GSE1: variants seen among roughly 807,000 people sequenced by gnomAD.
The protein encoded by GSE1 is genetic suppressor element 1.
Under a neutral mutation model 112.6 loss-of-function variants are expected in GSE1, and 32 were observed. The ratio of observed to expected loss-of-function variants is 0.28; its 90% CI spans 0.21 to 0.38. The LOEUF is 0.38. GSE1 is among the 10% of genes least tolerant of loss of function. The pLI is 1.00. For synonymous variants in GSE1, 1,115 were observed against 735.6 expected, an observed-to-expected ratio of 1.52 and a Z score of -8.35; for missense variants, 2,348 against 1,699.2, an observed-to-expected ratio of 1.38 and a Z score of -6.71.
chr16:85,669,717 ATTTTC>A (rs2053171910), intron 14 of GSE1, among the ~76,000 whole-genome samples: 1 of 151,880 alleles, frequency 6.6e-6, no homozygotes, highest in Non-Finnish European at 1.5e-5. Context: ...ATTCTTCTGT[ATTTTC>A]TTCTGTGAGT....
At chr16:85,462,080 A>C (rs2151825212) in intron 2 of GSE1, among the ~76,000 whole-genome samples, 1 of 152,254 alleles carries the variant, frequency 6.6e-6, no homozygotes, top group Non-Finnish European at 1.5e-5. Flanking sequence ...ACCTCCCCAC[A>C]GGGGCAGGGA....
chr16:85,225,208 C>G (rs1347175533), intron 1 of GSE1, among the ~76,000 whole-genome samples: 1 of 152,144 alleles, frequency 6.6e-6, no homozygotes, highest in Non-Finnish European at 1.5e-5. Context: ...CACACACACA[C>G]ATACACAAAG....
intron 1 of GSE1, among the ~76,000 whole-genome samples, chr16:85,571,377 C>T (rs1165322996): frequency 1.3e-5 from 2 of 152,250 alleles, no homozygotes; most frequent in Non-Finnish European, 2.9e-5. Flanking sequence ...CTTCAGTGCC[C>T]CAATCACAGC....
At chr16:85,174,842 G>A (rs1269545487) in intron 1 of GSE1, among the ~76,000 whole-genome samples, 3 of 152,148 alleles carry the variant, frequency 2.0e-5, no homozygotes, top group Non-Finnish European at 4.4e-5. Flanking sequence ...AGGGAGAGAG[G>A]GTGGAGGGGC....
At position 85,241,892 on chromosome 16, in the gene GSE1, T is replaced by G. The variant is rs192368467; in HGVS notation, c.2283+70085T>G. Reference sequence around the variant, plus strand: ...CTCCCCGGGCACCCCCAGCCCACACTGGGCATCCTGTCCTCCCTTCATGGT... The same window carrying G: ...CTCCCCGGGCACCCCCAGCCCACACGGGGCATCCTGTCCTCCCTTCATGGT... On this transcript the variant is annotated intron_variant, in intron 1 of 2. Coordinates refer to the GSE1 transcript ENST00000637419. 1.6e-3 allele frequency among the ~76,000 whole-genome samples: 238 copies of G among 152,118 alleles called. 1 individual carries two copies. Among genetic ancestry groups the G allele is most frequent in the Admixed American group, 4.0e-3 (61 of 15,292 alleles).
chr16:85,220,606 G>T (rs2075373992), intron 1 of GSE1, among the ~76,000 whole-genome samples: 1 of 146,692 alleles, frequency 6.8e-6, no homozygotes, highest in Non-Finnish European at 1.5e-5. Context: ...ACACAGGCGG[G>T]CTTCTCGGGC....
chr16:85,592,728 A>G (rs951227228), intron 1 of GSE1: 12 of 152,300 alleles, frequency 7.9e-5, no homozygotes, highest in African/African-American at 2.9e-4. Flanking sequence ...AATGCGTGAC[A>G]GTTCCTGCTC....
rs755052798 is a variant in GSE1, at chr16:85,307,866, G to A, written c.2284-49597G>A. Among the ~76,000 whole-genome samples the A allele has an allele frequency of 4.6e-5, 7 of 152,306 alleles. No homozygotes were observed. In the East Asian group the frequency reaches 5.8e-4, roughly 13 times the overall value. ...ACTCTTCAAGGGCCTAGAGGTGACC[G>A]CCCCAGGAGCCGGGGGAAAGGTCAG... is the stretch of plus-strand genomic sequence containing the variant. On this transcript the variant is annotated intron_variant, in intron 1 of 2. Transcript: ENST00000637419.
Position 85,660,526 on chromosome 16 carries a change from C to T in GSE1, c.1641-620C>T, listed in dbSNP as rs567441290. The stretch of plus-strand genomic sequence containing the variant: ...TGGTGGCACACGCCTGTAATCCCAG[C>T]TACTCGGGAGGCTGAAGCTGGAGAA... On this transcript the variant is annotated intron_variant, in intron 8 of 15. Coordinates refer to ENST00000253458, the MANE Select transcript of GSE1 (RefSeq NM_014615.5). 5.2e-4 allele frequency among the ~76,000 whole-genome samples: 79 copies of T among 152,272 alleles called. 1 individual carries two copies. The highest frequency in any genetic ancestry group is 1.7e-3 in the Admixed American group (26 of 15,302).
chr16:85,660,077 G>T (rs2052305043), intron 8 of GSE1, among the ~76,000 whole-genome samples: 1 of 152,230 alleles, frequency 6.6e-6, no homozygotes, highest in Non-Finnish European at 1.5e-5. Flanking sequence ...GCCCTGTGAA[G>T]GTGGCCAGCC....
At chr16:85,531,724 G>A (rs1165606971) in intron 2 of GSE1, among the ~76,000 whole-genome samples, 1 of 152,194 alleles carries the variant, frequency 6.6e-6, no homozygotes, top group African/African-American at 2.4e-5. Flanking sequence ...ATGGCAGGGG[G>A]CTCCCTTGTT....
intron 1 of GSE1, among the ~76,000 whole-genome samples, chr16:85,569,770 C>T (rs112304288): frequency 6.6e-6 from 1 of 152,194 alleles, no homozygotes; most frequent in Non-Finnish European, 1.5e-5. Context: ...GTGGCCGTGG[C>T]GTGCGTTGGG....
In GSE1 at chr16:85,291,644, C is replaced by T. The variant is rs575409047; in HGVS notation, c.2284-65819C>T. Among the ~76,000 whole-genome samples, 179 of 152,290 alleles carry T rather than the reference C, an allele frequency of 1.2e-3. 4 individuals carry two copies. Among genetic ancestry groups the T allele is most frequent in the South Asian group, 1.2e-3 (6 of 4,828 alleles). ...CCCCGCCCTTTTCCGCCCGGCCAGC[C>T]GCAGCTGCTGACAGAGCCCAGCTGG... On this transcript the variant is annotated intron_variant, in intron 1 of 2. Coordinates refer to the GSE1 transcript ENST00000637419.
chr16:85,440,040 A>C (rs1399852856), intron 2 of GSE1, among the ~76,000 whole-genome samples: 1 of 152,186 alleles, frequency 6.6e-6, no homozygotes, highest in African/African-American at 2.4e-5. Context: ...ACAGACATAC[A>C]CTTGCACCTT....
chr16:85,663,683 G>GGGGC, intron 11 of GSE1, 69 bp downstream of exon 11: 1 of 1,468,098 alleles, frequency 6.8e-7, no homozygotes, highest in Non-Finnish European at 9.3e-7. Context: ...AGCAGCAGGT[G>GGGGC]GGGCCGGTGG....
chr16:85,185,612 T>G (rs1174232104), intron 1 of GSE1, among the ~76,000 whole-genome samples: 1 of 152,256 alleles, frequency 6.6e-6, no homozygotes, highest in Admixed American at 6.5e-5. Flanking sequence ...TCTGAGCATA[T>G]TGGCCAGATC....
chr16:85,355,285 T>C (rs2046929339), intron 1 of GSE1, among the ~76,000 whole-genome samples: 1 of 151,636 alleles, frequency 6.6e-6, no homozygotes, highest in African/African-American at 2.4e-5. Flanking sequence ...CTGCTGTCCC[T>C]GGAGCTCATC....
intron 1 of GSE1, among the ~76,000 whole-genome samples, chr16:85,567,480 C>G (rs894084287): frequency 5.9e-5 from 9 of 152,154 alleles, no homozygotes; most frequent in African/African-American, 1.9e-4. Flanking sequence ...GCTGGCTGTT[C>G]GCCAGACCGC....
chr16:85,209,621 G>T (rs2075189561), intron 1 of GSE1, among the ~76,000 whole-genome samples: 1 of 152,194 alleles, frequency 6.6e-6, no homozygotes, highest in Non-Finnish European at 1.5e-5. Context: ...CAGCCCAAGG[G>T]TCACGCAAGG....
Sources: allele counts gnomAD v4.1 joint callset (sites outside exome capture counted in the v4.1 genomes callset), GRCh38; gene constraint gnomAD v4.1.1; transcripts MANE v1.5; gene names NCBI Gene and HGNC (gene_info 2026-07-23, HGNC 2026-07-21).